The following MYO15A variants were observed in gnomAD, a reference collection of about 807,000 sequenced individuals.
MYO15A encodes the protein myosin XVA.
Under a neutral mutation model 394.6 loss-of-function variants are expected in MYO15A, and 308 were observed. The ratio of observed to expected loss-of-function variants is 0.78; its 90% CI spans 0.71 to 0.86. MYO15A has a LOEUF of 0.86. Ranked by LOEUF, MYO15A falls within the 40% of genes least tolerant of loss-of-function variation. MYO15A has a pLI of 0.00. For synonymous variants in MYO15A, 1,957 were observed against 2,003.8 expected (o/e 0.98, Z 0.62); for missense variants, 4,606 against 4,799.1 (o/e 0.96, Z 1.19).
At position 18,122,212 on chromosome 17, in the gene MYO15A, C is replaced by G; in HGVS notation, c.3412C>G (p.Gln1138Glu). ...AGTTGGGCCTGCAACCCTGAAGCCT[C>G]AAGTCCAGCCCATTCAGGACCCCAA... Reference protein sequence around the residue: ...QRVGPATLKPQVQPIQDPKPR... With the variant: ...QRVGPATLKPEVQPIQDPKPR... The change falls in exon 2 of 66, where the codon CAA becomes GAA. Residue 1138 changes from glutamine to glutamate, a missense_variant. Transcript: ENST00000647165. 3.7e-6 allele frequency: 6 copies of G among 1,613,206 alleles called. No homozygotes were observed. The highest frequency in any genetic ancestry group is 4.2e-6 in the Non-Finnish European group (5 of 1,180,022).
intron 1 of MYO15A, among the ~76,000 whole-genome samples, chr17:18,111,341 G>GAAAAAAAAAAAAA: frequency 8.4e-6 from 1 of 118,948 alleles, no homozygotes; most frequent in Non-Finnish European, 1.9e-5. Flanking sequence ...TCTCAAAAGA[G>GAAAAAAAAAAAAA]AAAAAAAAAA....
intron 7 of MYO15A, among the ~76,000 whole-genome samples, chr17:18,129,377 A>T (rs2046111560): frequency 6.6e-6 from 1 of 152,242 alleles, no homozygotes; most frequent in South Asian, 2.1e-4. Context: ...ACTAAGGGAT[A>T]GTACACAGGA....
chr17:18,151,978 C>T, intron 41 of MYO15A, 27 bp downstream of exon 41: 1 of 1,549,212 alleles, frequency 6.5e-7, no homozygotes, highest in Non-Finnish European at 8.7e-7. Context: ...GGGCTGAGCC[C>T]AGGTGGAACA....
intron 12 of MYO15A, 84 bp downstream of exon 12, chr17:18,133,470 AG>A (rs1368583987): frequency 3.2e-6 from 5 of 1,545,966 alleles, no homozygotes; most frequent in Non-Finnish European, 4.4e-6. Context: ...TTTCCCTTTC[AG>A]ATTACACTAT....
chr17:18,176,682 T>G (rs926036118), intron 65 of MYO15A: 1 of 152,030 alleles, frequency 6.6e-6, no homozygotes, highest in African/African-American at 2.4e-5. Flanking sequence ...ATTACAGGCA[T>G]GTGCCACCAT....
intron 19 of MYO15A, among the ~76,000 whole-genome samples, chr17:18,140,191 G>A (rs2046353182): frequency 6.6e-6 from 1 of 152,128 alleles, no homozygotes; most frequent in African/African-American, 2.4e-5. Context: ...CTGTCAACTG[G>A]GCAACCTCCT....
Position 18,147,885 on chromosome 17 carries a change from C to A in MYO15A, c.6510-144C>A. 1 of 1,031,046 alleles carries A rather than the reference C, an allele frequency of 9.7e-7. No individual in the cohort carries two copies. The highest frequency in any genetic ancestry group is 1.5e-6 in the Non-Finnish European group (1 of 678,174). The allele number at this position is 1,031,046 out of a possible 1,614,324, so 63.9% of individuals were successfully genotyped here. On this transcript the variant is annotated intron_variant, in intron 30 of 65. Coordinates refer to ENST00000647165, the MANE Select transcript of MYO15A (RefSeq NM_016239.4). The surrounding 1 kb of genome is among the most constrained non-coding windows in gnomAD (Gnocchi z 4.4). ...GGGACCCTTGTGAACCAGCCTGGAG[C>A]CTTTTTAGCCTCACCTTGGAGCTCT... is the stretch of plus-strand genomic sequence containing the variant.
In MYO15A at chr17:18,163,836, G is replaced by T. The variant is rs368106470; in HGVS notation, c.9785G>T (p.Arg3262Leu). ...TATGTTATCTTCGTTGTCACCAACC[G>T]TGGTGAGTGCCAGGAAGACTGAGCA... is the stretch of plus-strand genomic sequence containing the variant. ...NEYVIFVVTN[R>L]GQHVCPLSRR... Residue 3262 changes from arginine (R) to leucine (L), a missense_variant and splice_region_variant, in exon 60 of 66, where the codon CGT becomes CTT. Arg to Leu is a moderately radical substitution (Grantham distance 102, BLOSUM62 -2). Around this residue, in one of 2 missense-constraint regions of MYO15A, gnomAD observed 2,776 missense variants for 3,109.3 expected, o/e 0.89. Transcript: ENST00000647165. 1.2e-6 allele frequency: 2 copies of T among 1,613,086 alleles called. No homozygotes were observed. The highest frequency in any genetic ancestry group is 2.2e-5 in the South Asian group (2 of 90,862).
Position 18,120,233 on chromosome 17 carries a change from G to T in MYO15A, c.1433G>T (p.Arg478Leu). The T allele has an allele frequency of 1.2e-6, 2 of 1,612,384 alleles. No homozygotes were observed. The highest frequency in any genetic ancestry group is 1.7e-6 in the Non-Finnish European group (2 of 1,179,762). ...AAGCTGTCCCTCATCCGCAAGTTCCGCCTCTTCCCGCGACCCCAGGTGAAG... is the reference window on the plus strand; with the variant it reads ...AAGCTGTCCCTCATCCGCAAGTTCCTCCTCTTCCCGCGACCCCAGGTGAAG... ...RSKLSLIRKFRLFPRPQVKLF... is the reference protein window; with the variant it reads ...RSKLSLIRKFLLFPRPQVKLF... Residue 478 changes from arginine to leucine, a missense_variant, in exon 2 of 66, where the codon CGC (arginine) becomes CTC (leucine). Physicochemically the swap from Arg to Leu is moderately radical, Grantham distance 102. This residue lies in a region of MYO15A where 1,830 missense variants were observed against 1,689.7 expected (regional missense o/e 1.08). Coordinates refer to ENST00000647165, the MANE Select transcript of MYO15A (RefSeq NM_016239.4).
At position 18,166,573 on chromosome 17, in the gene MYO15A, G is replaced by A. The variant is rs372972818; in HGVS notation, c.9948+52G>A. On this transcript the variant is annotated intron_variant, in intron 61 of 65. Coordinates refer to ENST00000647165, the MANE Select transcript of MYO15A (RefSeq NM_016239.4). ...TCTGGGACCTTCTAGGCTCCCCTGG[G>A]CCTGTGAATCAGACTCCACAGCCTT... 35 of 1,602,500 alleles carry A rather than the reference G, an allele frequency of 2.2e-5. No homozygotes were observed. The African/African-American group carries it at 4.5e-4, about 21-fold the overall frequency.
At chr17:18,166,649 T>A (rs965461522) in intron 61 of MYO15A, 128 bp downstream of exon 61, 4 of 1,279,814 alleles carry the variant, frequency 3.1e-6, no homozygotes. Context: ...CTAGCCCTGA[T>A]GTCTCTGCTC....
At chr17:18,156,482 C>T in intron 48 of MYO15A, 146 bp downstream of exon 48, 5 of 982,912 alleles carry the variant, frequency 5.1e-6, no homozygotes, top group Non-Finnish European at 7.7e-6. Flanking sequence ...CTTGGAATAC[C>T]CTTTCTCCCT....
rs2045919945 is a variant in MYO15A at position 18,121,182 on chromosome 17, C to T, written c.2382C>T (p.Pro794=). The T allele has an allele frequency of 2.0e-6, 3 of 1,512,482 alleles. No individual in the cohort carries two copies. Among genetic ancestry groups the T allele is most frequent in the African/African-American group, 2.9e-5 (2 of 69,336 alleles). 93.7% of individuals were successfully genotyped at this position (1,512,482 alleles called of 1,614,324 possible). The change falls in exon 2 of 66, where the codon CCC becomes CCT. Residue 794 remains proline (P), a synonymous_variant. Coordinates refer to ENST00000647165, the MANE Select transcript of MYO15A (RefSeq NM_016239.4). The surrounding 1 kb of genome is among the most constrained non-coding windows in gnomAD (Gnocchi z 5.3). ...PGLGYCSPLA[P]PSPQLSLRTG... ...TCGGCTACTGCTCACCCTTGGCGCC[C>T]CCGTCGCCTCAGCTGTCCTTGCGCA...
chr17:18,169,092 G>C (rs1447634636), intron 62 of MYO15A, among the ~76,000 whole-genome samples: 1 of 145,094 alleles, frequency 6.9e-6, no homozygotes, highest in Non-Finnish European at 1.5e-5. Context: ...CAGCCTGGGT[G>C]ACAAGAGCGA....
Position 18,163,724 on chromosome 17 carries a change from C to T in MYO15A, c.9691-18C>T, listed in dbSNP as rs1389370944. On this transcript the variant is annotated intron_variant, in intron 59 of 65. Transcript: ENST00000647165. Reference sequence around the variant, plus strand: ...AAGCCCAACTGGCATGGCCTCATCTCTTCCGCCCCACCCCCAGGTGGCCCT... The same window carrying T: ...AAGCCCAACTGGCATGGCCTCATCTTTTCCGCCCCACCCCCAGGTGGCCCT... The T allele has an allele frequency of 6.2e-7, 1 of 1,603,084 alleles. No individual in the cohort carries two copies. Among genetic ancestry groups the T allele is most frequent in the Non-Finnish European group, 8.5e-7 (1 of 1,173,904 alleles).
At chr17:18,158,874 G>A in intron 52 of MYO15A, 51 bp from the exon 53 acceptor site, 2 of 1,603,918 alleles carry the variant, frequency 1.2e-6, no homozygotes, top group Non-Finnish European at 1.7e-6. Context: ...GGAAAAGGAT[G>A]TAGCCAAGGC....
chr17:18,154,751 G>T lies in MYO15A; in HGVS notation c.8220G>T (p.Leu2740Phe), dbSNP rs773976560. 2 of 1,613,608 alleles carry T rather than the reference G, an allele frequency of 1.2e-6. No homozygotes were observed. Among genetic ancestry groups the T allele is most frequent in the Admixed American group, 3.3e-5 (2 of 60,028 alleles). Residue 2740 changes from leucine (L) to phenylalanine (F), a missense_variant, in exon 45 of 66, where the codon TTG becomes TTT. Around this residue, in one of 2 missense-constraint regions of MYO15A, gnomAD observed 2,776 missense variants for 3,109.3 expected, o/e 0.89. Transcript: ENST00000647165. ...SEDERLRMKA[L>F]FAQNQLDTQK... The stretch of plus-strand genomic sequence containing the variant: ...ATGAGAGGCTCAGGATGAAGGCCTT[G>T]TTTGGTATCTCGGGGGAGAGGAGGG...
Position 18,163,281 on chromosome 17 carries a change from C to T in MYO15A, c.9650C>T (p.Pro3217Leu). The T allele has an allele frequency of 6.2e-7, 1 of 1,614,228 alleles. No homozygotes were observed. Among genetic ancestry groups the T allele is most frequent in the Non-Finnish European group, 8.5e-7 (1 of 1,180,036 alleles). Residue 3217 changes from proline to leucine, a missense_variant, in exon 59 of 66, where the codon CCT (proline) becomes CTT (leucine). Transcript: ENST00000647165. The part of the protein sequence containing the change: ...RSSKRQLFLL[P>L]GGLERHLKIK... ...TCCAAGAGGCAACTCTTTCTTCTTC[C>T]TGGAGGCCTTGAACGCCATCTCAAA... is the stretch of plus-strand genomic sequence containing the variant.
At chr17:18,154,565 C>A in intron 44 of MYO15A, 115 bp from the exon 45 acceptor site, 1 of 1,042,662 alleles carries the variant, frequency 9.6e-7, no homozygotes, top group Non-Finnish European at 1.5e-6. Flanking sequence ...TACAGATGAC[C>A]CCACTGCTGC....
Sources: allele counts gnomAD v4.1 joint callset (sites outside exome capture counted in the v4.1 genomes callset), GRCh38; gene constraint gnomAD v4.1.1; regional missense constraint gnomAD v4.1.1; non-coding constraint Gnocchi (gnomAD v3.1); transcripts MANE v1.5; gene names NCBI Gene and HGNC (gene_info 2026-07-23, HGNC 2026-07-21).